The following PDE10A variants were observed in gnomAD, a reference collection of about 807,000 sequenced individuals.
PDE10A encodes phosphodiesterase 10A.
PDE10A carries 39 observed loss-of-function variants against 97.7 expected under a neutral mutation model. The ratio of observed to expected loss-of-function variants is 0.40; its 90% CI spans 0.31 to 0.52. PDE10A has a LOEUF of 0.52. PDE10A is among the 20% of genes least tolerant of loss of function. The probability of loss-of-function intolerance (pLI) is 0.56; values close to 1 mark genes in which losing one functional copy is unlikely to be tolerated. For missense variants in PDE10A, 731 were observed against 1,047.8 expected (o/e 0.70, Z 4.17); for synonymous variants, 371 against 376.8 (o/e 0.98, Z 0.18).
intron 1 of PDE10A, among the ~76,000 whole-genome samples, chr6:165,843,215 C>T (rs553355364): frequency 3.1e-4 from 47 of 152,310 alleles, no homozygotes; most frequent in Middle Eastern, 3.4e-3. Context: ...GACTGCACAG[C>T]AACAGAATCT....
rs111560445 is a variant in PDE10A at position 165,730,099 on chromosome 6, T to A, written c.-614-186531A>T. ...TTGTATATCTATCTTGAAAAAGATA[T>A]ACAAGTGACATATTTCTTGGAGATA... On this transcript the variant is annotated intron_variant, in intron 1 of 19. Coordinates refer to the PDE10A transcript ENST00000366882. 2.2e-3 allele frequency among the ~76,000 whole-genome samples: 333 copies of A among 151,188 alleles called. 4 individuals are homozygous for A. Among genetic ancestry groups the A allele is most frequent in the African/African-American group, 7.6e-3 (313 of 41,172 alleles).
chr6:165,678,674 G>C (rs1056762383), intron 1 of PDE10A, among the ~76,000 whole-genome samples: 3 of 152,178 alleles, frequency 2.0e-5, no homozygotes, highest in African/African-American at 7.2e-5. Context: ...CTCTCCCTGC[G>C]CTGGATCACA....
intron 10 of PDE10A, among the ~76,000 whole-genome samples, chr6:165,422,330 GGCATACACACACACATAT>G (rs1466200157): frequency 4.9e-5 from 5 of 102,958 alleles, no homozygotes; most frequent in Non-Finnish European, 7.8e-5. Flanking sequence ...TACACACACA[GGCATACACACACACATAT>G]GCATACACAC....
chr6:165,779,664 A>G, intron 1 of PDE10A, among the ~76,000 whole-genome samples: 1 of 152,144 alleles, frequency 6.6e-6, no homozygotes, highest in East Asian at 1.9e-4. Context: ...CATTTTCTGG[A>G]ATTTTCTGCA....
At chr6:165,875,849 T>C (rs1386270978) in intron 1 of PDE10A, among the ~76,000 whole-genome samples, 1 of 151,980 alleles carries the variant, frequency 6.6e-6, no homozygotes, top group Non-Finnish European at 1.5e-5. Flanking sequence ...AGCGTAGGGT[T>C]TTGACTTTGG....
intron 1 of PDE10A, among the ~76,000 whole-genome samples, chr6:165,726,031 T>A (rs1428652449): frequency 6.6e-6 from 1 of 152,150 alleles, no homozygotes; most frequent in Non-Finnish European, 1.5e-5. Context: ...GAGAATATGG[T>A]CTTAGAAATA....
At chr6:165,585,458 G>A (rs1055302640) in intron 1 of PDE10A, among the ~76,000 whole-genome samples, 3 of 152,128 alleles carry the variant, frequency 2.0e-5, no homozygotes, top group African/African-American at 7.2e-5. Context: ...AATCTTAGGG[G>A]GACCTACGTG....
chr6:165,446,382 C>T (rs1790849063), intron 5 of PDE10A, among the ~76,000 whole-genome samples: 1 of 152,112 alleles, frequency 6.6e-6, no homozygotes. Flanking sequence ...CATGTAGATA[C>T]ATCTAAAAAA....
At chr6:165,614,407 C>T (rs1787631651) in intron 1 of PDE10A, among the ~76,000 whole-genome samples, 1 of 152,148 alleles carries the variant, frequency 6.6e-6, no homozygotes, top group Non-Finnish European at 1.5e-5. Context: ...AGGATAACTC[C>T]AAGCACACAG....
intron 1 of PDE10A, among the ~76,000 whole-genome samples, chr6:165,933,972 T>C (rs1305877237): frequency 1.3e-5 from 2 of 151,694 alleles, no homozygotes; most frequent in African/African-American, 4.8e-5. Flanking sequence ...ATTTTTCATT[T>C]TGAAGCATCA....
intron 1 of PDE10A, among the ~76,000 whole-genome samples, chr6:165,788,496 C>A (rs1305468815): frequency 3.3e-5 from 2 of 59,788 alleles, no homozygotes; most frequent in African/African-American, 7.3e-5. Flanking sequence ...CCAGCCTGAG[C>A]AACAAGAAGG....
chr6:165,862,499 C>T (rs1247348173), intron 1 of PDE10A, among the ~76,000 whole-genome samples: 2 of 152,156 alleles, frequency 1.3e-5, no homozygotes, highest in South Asian at 2.1e-4. Context: ...CTGGTCAACT[C>T]GACCACGTTT....
chr6:165,732,427 C>G (rs60742028), intron 1 of PDE10A, among the ~76,000 whole-genome samples: 11,742 of 152,234 alleles, frequency 0.077, 516 homozygotes, highest in African/African-American at 0.12. Context: ...GTGAGCACCG[C>G]GTGGTCACAG....
At chr6:165,451,111 C>G (rs1328593410) in intron 3 of PDE10A, among the ~76,000 whole-genome samples, 1 of 152,150 alleles carries the variant, frequency 6.6e-6, no homozygotes, top group Non-Finnish European at 1.5e-5. Flanking sequence ...TCCTTTCCAT[C>G]TATATGGCTC....
At chr6:165,442,364 G>C (rs1469347800) in intron 5 of PDE10A, among the ~76,000 whole-genome samples, 1 of 151,948 alleles carries the variant, frequency 6.6e-6, no homozygotes. Flanking sequence ...TCATTGTTCA[G>C]TTCCCACCTA....
At chr6:165,490,344 T>C (rs574866772) in intron 2 of PDE10A, among the ~76,000 whole-genome samples, 1 of 152,254 alleles carries the variant, frequency 6.6e-6, no homozygotes, top group African/African-American at 2.4e-5. Flanking sequence ...CCAGTGAAAC[T>C]AAGCTTCAAA....
chr6:165,507,540 T>A (rs1265521445), intron 2 of PDE10A, among the ~76,000 whole-genome samples: 1 of 152,130 alleles, frequency 6.6e-6, no homozygotes, highest in Non-Finnish European at 1.5e-5. Flanking sequence ...AGTAAGTTTC[T>A]TCAAGAAGTT....
intron 1 of PDE10A, among the ~76,000 whole-genome samples, chr6:165,919,500 C>T (rs1324201776): frequency 1.3e-5 from 2 of 152,238 alleles, no homozygotes; most frequent in African/African-American, 4.8e-5. Flanking sequence ...CAAACTTTTT[C>T]TGTTAAGGCT....
At chr6:165,435,666 G>T (rs1789963282) in intron 5 of PDE10A, among the ~76,000 whole-genome samples, 1 of 152,098 alleles carries the variant, frequency 6.6e-6, no homozygotes, top group Non-Finnish European at 1.5e-5. Flanking sequence ...ATAATGAAAT[G>T]AGACAAAATG....
Sources: allele counts gnomAD v4.1 joint callset (sites outside exome capture counted in the v4.1 genomes callset), GRCh38; gene constraint gnomAD v4.1.1; transcripts MANE v1.5; gene names NCBI Gene and HGNC (gene_info 2026-07-23, HGNC 2026-07-21).